Variants in CADPS2 observed in about 807,000 individuals in gnomAD.
CADPS2 encodes calcium dependent secretion activator 2.
CADPS2 carries 93 observed loss-of-function variants against 172.5 expected under a neutral mutation model. That is an observed-to-expected ratio of 0.54 (90% CI 0.46 to 0.64). The LOEUF is 0.64. Ranked by LOEUF, CADPS2 falls within the 30% of genes least tolerant of loss-of-function variation. The pLI is 0.00. For synonymous variants in CADPS2, 546 were observed against 555.2 expected (o/e 0.98, Z 0.23); for missense variants, 1,420 against 1,565.9 (o/e 0.91, Z 1.57).
intron 2 of CADPS2, among the ~76,000 whole-genome samples, chr7:122,686,554 G>GAAA (rs2083651290): frequency 1.3e-5 from 2 of 152,184 alleles, no homozygotes. Context: ...TCTGCAGTGA[G>GAAA]CTTAAGAATT....
chr7:122,826,864 C>T (rs1805050792), intron 1 of CADPS2, among the ~76,000 whole-genome samples: 1 of 151,968 alleles, frequency 6.6e-6, no homozygotes, highest in Non-Finnish European at 1.5e-5. Context: ...ATAACCTAAT[C>T]TCTCACGTTA....
At chr7:122,572,611 A>G (rs894105890) in intron 7 of CADPS2, among the ~76,000 whole-genome samples, 1 of 152,154 alleles carries the variant, frequency 6.6e-6, no homozygotes, top group African/African-American at 2.4e-5. Flanking sequence ...ATACTACCCA[A>G]TATTTCACTG....
At chr7:122,363,301 C>T (rs904787137) in intron 25 of CADPS2, among the ~76,000 whole-genome samples, 12 of 152,128 alleles carry the variant, frequency 7.9e-5, no homozygotes, top group Admixed American at 6.6e-5. Flanking sequence ...ACGAGGACAG[C>T]GGCAATTGCT....
At chr7:122,777,523 C>T (rs37901) in intron 1 of CADPS2, among the ~76,000 whole-genome samples, 30,906 of 152,114 alleles carry the variant, frequency 0.2, 3,938 homozygotes, top group African/African-American at 0.36. Context: ...TACAGTTTGG[C>T]TATGTCCCCA....
chr7:122,629,002 T>C (rs1373048876), intron 4 of CADPS2, among the ~76,000 whole-genome samples: 1 of 151,792 alleles, frequency 6.6e-6, no homozygotes, highest in Non-Finnish European at 1.5e-5. Context: ...TTAAGAGAAG[T>C]CTATAAAAGT....
At chr7:122,647,814 T>C (rs1214718662) in intron 3 of CADPS2, among the ~76,000 whole-genome samples, 1 of 152,080 alleles carries the variant, frequency 6.6e-6, no homozygotes, top group Non-Finnish European at 1.5e-5. Context: ...AAAAACAAAG[T>C]CTAATGCTAT....
chr7:122,538,156 A>G (rs150057062), intron 8 of CADPS2, among the ~76,000 whole-genome samples: 46 of 151,602 alleles, frequency 3.0e-4, no homozygotes, highest in Non-Finnish European at 4.0e-4. Flanking sequence ...TAAAAAAAAA[A>G]AGAGAAACAA....
intron 2 of CADPS2, chr7:122,698,363 AGAT>A: frequency 6.2e-7 from 1 of 1,613,842 alleles, no homozygotes; most frequent in Non-Finnish European, 8.5e-7. Flanking sequence ...TGATTCATCC[AGAT>A]GATGTGCTTT....
rs1205249886 is a variant in CADPS2, at chr7:122,858,014, A to C, written c.339+27985T>G. 2.0e-5 allele frequency among the ~76,000 whole-genome samples: 3 copies of C among 152,174 alleles called. No individual in the cohort carries two copies. The East Asian group carries it at 5.8e-4, about 29-fold the overall frequency. ...CATTTATCGTGAAGAGCGAAAGAAC[A>C]AAGCTTCCACAGTGTGGAAGGGGAC... On this transcript the variant is annotated intron_variant, in intron 1 of 29. Transcript: ENST00000449022.
intron 8 of CADPS2, among the ~76,000 whole-genome samples, chr7:122,527,597 AGAGAGAGAGAGAGAGAGAGAGTGT>A (rs1348495293): frequency 3.4e-5 from 4 of 116,842 alleles, no homozygotes; most frequent in African/African-American, 1.3e-4. Context: ...AGAGAGAGAG[AGAGAGAGAGAGAGAGAGAGAGTGT>A]GTGTGTGTGT....
intron 3 of CADPS2, among the ~76,000 whole-genome samples, chr7:122,645,304 T>C (rs2058443): frequency 0.54 from 67,768 of 125,580 alleles, 19,571 homozygotes; most frequent in East Asian, 0.75. Context: ...TATACACATA[T>C]GTACATGTGT....
At chr7:122,772,493 G>A (rs1038700621) in intron 1 of CADPS2, among the ~76,000 whole-genome samples, 2 of 152,148 alleles carry the variant, frequency 1.3e-5, no homozygotes, top group South Asian at 2.1e-4. Context: ...AATGACCTGA[G>A]TAACTAATTA....
At chr7:122,367,541 T>C (rs1357601374) in intron 25 of CADPS2, among the ~76,000 whole-genome samples, 2 of 58,984 alleles carry the variant, frequency 3.4e-5, no homozygotes, top group South Asian at 1.1e-3. Flanking sequence ...TTCCCCCAGT[T>C]TTTTTTTTTT....
At chr7:122,689,425 G>A (rs1439879504) in intron 2 of CADPS2, among the ~76,000 whole-genome samples, 2 of 152,156 alleles carry the variant, frequency 1.3e-5, no homozygotes, top group Non-Finnish European at 2.9e-5. Flanking sequence ...TGCAATTCAG[G>A]GCCCGAGCTG....
intron 25 of CADPS2, among the ~76,000 whole-genome samples, chr7:122,362,109 A>G (rs2040229440): frequency 6.6e-6 from 1 of 152,056 alleles, no homozygotes. Flanking sequence ...CCAAAAAACA[A>G]ACAAACAAAA....
chr7:122,651,888 G>A (rs916868495), intron 3 of CADPS2, among the ~76,000 whole-genome samples: 8 of 152,118 alleles, frequency 5.3e-5, no homozygotes, highest in African/African-American at 1.9e-4. Context: ...TTCAGACTCT[G>A]TTCATTTAGG....
intron 1 of CADPS2, among the ~76,000 whole-genome samples, chr7:122,750,475 T>C (rs747329986): frequency 3.9e-5 from 6 of 152,148 alleles, no homozygotes; most frequent in Non-Finnish European, 8.8e-5. Context: ...GTTCTTTGGA[T>C]TGTCCTGTTT....
Position 122,615,195 on chromosome 7 carries a change from T to C in CADPS2, c.1209A>G (p.Glu403=). 6.5e-7 allele frequency: 1 copy of C among 1,543,014 alleles called. No homozygotes were observed. The highest frequency in any genetic ancestry group is 2.0e-5 in the Admixed American group (1 of 50,890). The change falls in exon 6 of 30, where the codon GAA becomes GAG. Residue 403 remains glutamate, a synonymous_variant. Coordinates refer to ENST00000449022, the MANE Select transcript of CADPS2 (RefSeq NM_017954.11). The stretch of plus-strand genomic sequence containing the variant: ...AACTGGCTTACTGTGGCCTTGAGGC[T>C]TCGGCCTGGTCTGTCTGAAGTTTTT... ...EGEKLQTDQA[E]ASRPQWGTQG... is the part of the protein sequence containing the mutation.
chr7:122,839,648 A>G (rs1809775684), intron 1 of CADPS2, among the ~76,000 whole-genome samples: 1 of 152,244 alleles, frequency 6.6e-6, no homozygotes. Context: ...TCAAAAGAAG[A>G]CATTTATGCA....
Sources: allele counts gnomAD v4.1 joint callset (sites outside exome capture counted in the v4.1 genomes callset), GRCh38; gene constraint gnomAD v4.1.1; transcripts MANE v1.5; gene names NCBI Gene and HGNC (gene_info 2026-07-23, HGNC 2026-07-21).